CNGB1: variants seen among roughly 807,000 people sequenced by gnomAD.
CNGB1 encodes cyclic nucleotide gated channel subunit beta 1.
In CNGB1, 126 loss-of-function variants were observed where a neutral mutation model predicts 151.7. The observed-to-expected ratio is 0.83, with a 90% CI of 0.72 to 0.96. The LOEUF is 0.96. Ranked by LOEUF, CNGB1 falls within the 40% of genes least tolerant of loss-of-function variation. The pLI, the probability that CNGB1 is intolerant of heterozygous loss-of-function variation, is 0.00. For synonymous variants in CNGB1, 623 were observed against 635.1 expected, an observed-to-expected ratio of 0.98 and a Z score of 0.29; for missense variants, 1,698 against 1,627.0, an observed-to-expected ratio of 1.04 and a Z score of -0.75.
chr16:57,898,686 G>A (rs1192663764), intron 29 of CNGB1, among the ~76,000 whole-genome samples: 2 of 152,222 alleles, frequency 1.3e-5, no homozygotes, highest in African/African-American at 2.4e-5. Context: ...AAAGTGCTGG[G>A]ATTACAGGCA....
At chr16:57,939,314 G>C (rs1299285777) in intron 16 of CNGB1, 116 bp downstream of exon 16, 1 of 1,447,306 alleles carries the variant, frequency 6.9e-7, no homozygotes, top group East Asian at 2.3e-5. Flanking sequence ...AGGGGGCAAT[G>C]GGGGGAAGGA....
In CNGB1 at chr16:57,923,310, C is replaced by T; in HGVS notation, c.1606G>A (p.Val536Ile). ...GGGGTGGTGGGGTCAGACCAGGCAA[C>T]CACTGGGGACTCTGCTGGTGACAAC... ...KALSPAESPV[V>I]AWSDPTTPKD... Residue 536 changes from valine (V) to isoleucine (I), a missense_variant, in exon 18 of 33, where the codon GTT becomes ATT. Val to Ile is a conservative substitution (Grantham distance 29). Coordinates refer to ENST00000251102, the MANE Select transcript of CNGB1 (RefSeq NM_001297.5). 1 of 1,612,834 alleles carries T rather than the reference C, an allele frequency of 6.2e-7. No homozygotes were observed. The highest frequency in any genetic ancestry group is 8.5e-7 in the Non-Finnish European group (1 of 1,179,554).
rs910381341 is a variant in CNGB1 at position 57,906,659 on chromosome 16, C to T, written c.2493-1784G>A. Among the ~76,000 whole-genome samples the T allele has an allele frequency of 3.9e-5, 6 of 152,250 alleles. No homozygotes were observed. In the East Asian group the frequency reaches 1.2e-3, roughly 29 times the overall value. On this transcript the variant is annotated intron_variant, in intron 25 of 32. Coordinates refer to ENST00000251102, the MANE Select transcript of CNGB1 (RefSeq NM_001297.5). ...GCACGCGAAGCAGCGTTTAGCGGGACGGAGCAGCACCCCCAACTCTGCAGA... is the reference window on the plus strand; with the variant it reads ...GCACGCGAAGCAGCGTTTAGCGGGATGGAGCAGCACCCCCAACTCTGCAGA...
At chr16:57,955,668 C>T (rs1197909732) in intron 12 of CNGB1, among the ~76,000 whole-genome samples, 12 of 152,162 alleles carry the variant, frequency 7.9e-5, no homozygotes, top group African/African-American at 2.9e-4. Context: ...GGCCCTAAAT[C>T]CAGTGACTGA....
At position 57,957,224 on chromosome 16, in the gene CNGB1, C is replaced by G. The variant is rs375125186; in HGVS notation, c.874+117G>C. 8,633 of 968,766 alleles carry G rather than the reference C, an allele frequency of 8.9e-3. 82 individuals carry two copies. The highest frequency in any genetic ancestry group is 0.014 in the South Asian group (1,084 of 76,940). 60.0% of individuals were successfully genotyped at this position (968,766 alleles called of 1,614,324 possible). A position where few individuals can be genotyped will look rare whatever the true frequency, so the allele number is the denominator to read the frequency against. On this transcript the variant is annotated intron_variant, in intron 12 of 32. Coordinates refer to ENST00000251102, the MANE Select transcript of CNGB1 (RefSeq NM_001297.5). The stretch of plus-strand genomic sequence containing the variant: ...CAGCCCAGGAGACCCTAACTGCCCC[C>G]CTGTGTGAGTCCAGGTCTGGCCAGG...
chr16:57,903,618 CTCA>C (rs1303667561), intron 27 of CNGB1, among the ~76,000 whole-genome samples: 3 of 152,196 alleles, frequency 2.0e-5, no homozygotes, highest in African/African-American at 4.8e-5. Context: ...CTCCAGGGAT[CTCA>C]TGACAGCCCT....
chr16:57,884,478 C>CT, intron 32 of CNGB1, 21 bp from the exon 33 acceptor site: 1 of 1,613,282 alleles, frequency 6.2e-7, no homozygotes, highest in Non-Finnish European at 8.5e-7. Context: ...GAAAGGGTGA[C>CT]TCGTGAGGCA....
chr16:57,960,871 C>G lies in CNGB1; in HGVS notation c.503G>C (p.Arg168Thr). ...LLLWLEQNLE[R>T]VLPQPPKSSE... is the part of the protein sequence containing the mutation. ...GGATTTGGGGGGCTGAGGAAGCACT[C>G]TTTCCAGATTCTGCTCCAGCCACAG... Residue 168 changes from arginine to threonine, a missense_variant, in exon 8 of 33, where the codon AGA becomes ACA. Physicochemically the swap from Arg to Thr is moderately conservative, Grantham distance 71. Transcript: ENST00000251102. 6.2e-7 allele frequency: 1 copy of G among 1,614,114 alleles called. No homozygotes were observed. Among genetic ancestry groups the G allele is most frequent in the South Asian group, 1.1e-5 (1 of 91,060 alleles).
At position 57,960,493 on chromosome 16, in the gene CNGB1, G is replaced by A; in HGVS notation, c.572C>T (p.Ala191Val). The change falls in exon 9 of 33, where the codon GCC (alanine) becomes GTC (valine). Residue 191 changes from alanine (A) to valine (V), a missense_variant. By Grantham distance (64) the Ala-to-Val change is moderately conservative. Transcript: ENST00000251102. The stretch of plus-strand genomic sequence containing the variant: ...TCCCCTCCCTGTACCTGGGTCTGAG[G>A]CAGCACCTGTAGCAACTGCAGGCTC... ...RDEPAVATGA[A>V]SDPAPPGRPQ... The A allele has an allele frequency of 6.2e-7, 1 of 1,613,732 alleles. No individual in the cohort carries two copies. The highest frequency in any genetic ancestry group is 2.2e-5 in the East Asian group (1 of 44,862).
chr16:57,954,614 T>G, intron 12 of CNGB1: 1 of 938,290 alleles, frequency 1.1e-6, no homozygotes, highest in Non-Finnish European at 1.3e-6. Context: ...TCCACCCACT[T>G]TTAAAACCTA....
intron 12 of CNGB1, 52 bp downstream of exon 12, chr16:57,957,289 C>T: frequency 6.3e-7 from 1 of 1,575,400 alleles, no homozygotes; most frequent in Non-Finnish European, 8.7e-7. Context: ...CCCAAGGACA[C>T]CAAGCAACCC....
intron 27 of CNGB1, 100 bp downstream of exon 27, chr16:57,903,722 G>T: frequency 1.4e-6 from 2 of 1,392,924 alleles, no homozygotes; most frequent in East Asian, 2.4e-5. Context: ...GGACCTCAGA[G>T]ACACAGAGGA....
intron 21 of CNGB1, among the ~76,000 whole-genome samples, chr16:57,916,550 C>G (rs1258686119): frequency 1.3e-5 from 2 of 152,220 alleles, no homozygotes; most frequent in Non-Finnish European, 2.9e-5. Context: ...TTACTTTACT[C>G]TCTTTAAATC....
In CNGB1 at chr16:57,887,938, C is replaced by T. The variant is rs373477921; in HGVS notation, c.3379G>A (p.Gly1127Ser). 2.9e-5 allele frequency: 47 copies of T among 1,614,194 alleles called. No individual in the cohort carries two copies. The Middle Eastern group carries it at 4.9e-4, about 17-fold the overall frequency. Residue 1127 changes from glycine (G) to serine (S), a missense_variant, in exon 32 of 33, where the codon GGC (glycine) becomes AGC (serine). By Grantham distance (56) the Gly-to-Ser change is moderately conservative. Transcript: ENST00000251102. ...GKMGGKGAKG[G>S]KLAHLRARLK... ...CGGGCCCGGAGGTGAGCAAGTTTGCCGCCTTTTGCCCCCTTGCCACCCATC... is the reference window on the plus strand; with the variant it reads ...CGGGCCCGGAGGTGAGCAAGTTTGCTGCCTTTTGCCCCCTTGCCACCCATC...
In CNGB1 at chr16:57,884,452, C is replaced by A. The variant is rs1251378564; in HGVS notation, c.3468G>T (p.Lys1156Asn). The A allele has an allele frequency of 6.2e-7, 1 of 1,613,462 alleles. No individual in the cohort carries two copies. The highest frequency in any genetic ancestry group is 1.7e-5 in the Admixed American group (1 of 59,988). ...CCTCTCCCTTGACGTCTTGCGAGCT[C>A]TTGGCCTGGAATCCAGAAAGGGTGA... The part of the protein sequence containing the change: ...AKQQELVEQA[K>N]SSQDVKGEEG... The change falls in exon 33 of 33, where the codon AAG (lysine) becomes AAT (asparagine). Residue 1156 changes from lysine (K) to asparagine (N), a missense_variant. By Grantham distance (94) the Lys-to-Asn change is moderately conservative. Coordinates refer to ENST00000251102, the MANE Select transcript of CNGB1 (RefSeq NM_001297.5).
chr16:57,897,740 G>A (rs554514295), intron 30 of CNGB1, 56 bp downstream of exon 30: 51 of 1,579,134 alleles, frequency 3.2e-5, no homozygotes, highest in South Asian at 1.8e-4. Context: ...CCCGCTGGCC[G>A]CCTTCTTTCC....
chr16:57,940,777 C>T (rs1401275040), intron 14 of CNGB1, among the ~76,000 whole-genome samples: 1 of 152,102 alleles, frequency 6.6e-6, no homozygotes, highest in Non-Finnish European at 1.5e-5. Context: ...GTGAAGTGAC[C>T]TGGCAAAATC....
rs764629043 is a variant in CNGB1 at position 57,903,773 on chromosome 16, G to A, written c.2794+49C>T. The A allele has an allele frequency of 2.7e-5, 43 of 1,609,966 alleles. 1 individual carries two copies. In the South Asian group the frequency reaches 3.0e-4, roughly 11 times the overall value. ...GAAGGCATGGCACCGGGCACCAGGC[G>A]ACAGGAGTTGACTGGGAGCTGGTGG... On this transcript the variant is annotated intron_variant, in intron 27 of 32. Coordinates refer to ENST00000251102, the MANE Select transcript of CNGB1 (RefSeq NM_001297.5).
intron 16 of CNGB1, among the ~76,000 whole-genome samples, chr16:57,933,875 A>G (rs1206277577): frequency 6.6e-6 from 1 of 151,696 alleles, no homozygotes; most frequent in African/African-American, 2.4e-5. Flanking sequence ...GGCCCCTGCC[A>G]CCACGCCTGG....
Sources: allele counts gnomAD v4.1 joint callset (sites outside exome capture counted in the v4.1 genomes callset), GRCh38; gene constraint gnomAD v4.1.1; transcripts MANE v1.5; gene names NCBI Gene and HGNC (gene_info 2026-07-23, HGNC 2026-07-21).